Variants in EIF3J observed in about 807,000 individuals in gnomAD.
EIF3J encodes eukaryotic translation initiation factor 3, subunit 1 (alpha, 35kD).
In EIF3J, 15 loss-of-function variants were observed where a neutral mutation model predicts 39.0. The observed-to-expected ratio is 0.38, with a 90% CI of 0.26 to 0.59. The LOEUF (loss-of-function observed/expected upper bound fraction) is 0.59. EIF3J is among the 20% of genes least tolerant of loss of function. The pLI is 0.60. For missense variants in EIF3J, 226 were observed against 308.6 expected (o/e 0.73, Z 2.00); for synonymous variants, 98 against 112.9 (o/e 0.87, Z 0.84).
chr15:44,543,434 T>TTTTTTTTA (rs2082028030), intron 2 of EIF3J, among the ~76,000 whole-genome samples: 1 of 148,646 alleles, frequency 6.7e-6, no homozygotes, highest in African/African-American at 2.5e-5. Flanking sequence ...TTTTTTTTTT[T>TTTTTTTTA]GAGATGGAGT....
intron 5 of EIF3J, among the ~76,000 whole-genome samples, chr15:44,555,078 C>A (rs1179172999): frequency 6.6e-6 from 1 of 152,170 alleles, no homozygotes; most frequent in African/African-American, 2.4e-5. Context: ...TTTTGCTGTG[C>A]CTTCTTGTGC....
In EIF3J at chr15:44,551,285, A is replaced by C. The variant is rs1043636912; in HGVS notation, c.203-146A>C. On this transcript the variant is annotated intron_variant, in intron 3 of 7. Coordinates refer to ENST00000261868, the MANE Select transcript of EIF3J (RefSeq NM_003758.4). ...ATTAGAGAGGAGAAGGAAGAGTCCCAGAAGTTTCCCATTATTTGTGAGAAA... is the reference window on the plus strand; with the variant it reads ...ATTAGAGAGGAGAAGGAAGAGTCCCCGAAGTTTCCCATTATTTGTGAGAAA... 4.8e-6 allele frequency: 3 copies of C among 630,386 alleles called. No individual in the cohort carries two copies. In the African/African-American group the frequency reaches 5.6e-5, roughly 12 times the overall value. The allele number at this position is 630,386 out of a possible 1,614,324, so 39.0% of individuals were successfully genotyped here.
At chr15:44,556,140 A>C (rs1374279888) in intron 5 of EIF3J, among the ~76,000 whole-genome samples, 1 of 152,168 alleles carries the variant, frequency 6.6e-6, no homozygotes, top group African/African-American at 2.4e-5. Context: ...TGCTGGGATT[A>C]CAGGCATGAG....
At chr15:44,549,967 A>C (rs1053492107) in intron 2 of EIF3J, among the ~76,000 whole-genome samples, 5 of 151,848 alleles carry the variant, frequency 3.3e-5, no homozygotes, top group Non-Finnish European at 5.9e-5. Flanking sequence ...AAAAAAAAAA[A>C]AGTCTGGTAA....
chr15:44,560,365 G>A (rs757363972), intron 7 of EIF3J, 43 bp downstream of exon 7: 16 of 1,563,024 alleles, frequency 1.0e-5, no homozygotes, highest in Non-Finnish European at 1.3e-5. Flanking sequence ...AAATTAGAGT[G>A]GGGTTATAGG....
chr15:44,549,316 G>A (rs909008913), intron 2 of EIF3J, among the ~76,000 whole-genome samples: 25 of 151,744 alleles, frequency 1.6e-4, no homozygotes, highest in Non-Finnish European at 1.0e-4. Flanking sequence ...GCTTGAACCC[G>A]GGAGGTGGAG....
chr15:44,541,999 T>TA (rs2082018107), intron 2 of EIF3J, among the ~76,000 whole-genome samples: 1 of 152,236 alleles, frequency 6.6e-6, no homozygotes, highest in East Asian at 1.9e-4. Flanking sequence ...AACCACTTGT[T>TA]TAGTGTTCAG....
rs201648994 is a variant in EIF3J at position 44,547,150 on chromosome 15, C to CT, written c.148-3718dup. 1.2e-3 allele frequency among the ~76,000 whole-genome samples: 178 copies of CT among 148,316 alleles called. 2 individuals are homozygous for CT. Among genetic ancestry groups the CT allele is most frequent in the African/African-American group, 4.0e-3 (163 of 40,264 alleles). Reference sequence around the variant, plus strand: ...CCATGAAGGCTTGATTAGCTGTTGACTTTTTTTTGTGAGACGGAGTTTCAT... The same window carrying CT: ...CCATGAAGGCTTGATTAGCTGTTGACTTTTTTTTTGTGAGACGGAGTTTCAT... On this transcript the variant is annotated intron_variant, in intron 2 of 7. Transcript: ENST00000261868.
At chr15:44,550,638 C>T (rs1209187188) in intron 2 of EIF3J, 4 of 338,850 alleles carry the variant, frequency 1.2e-5, no homozygotes, top group Middle Eastern at 8.3e-4. Context: ...AGGGAAATCA[C>T]TTTAAAACAC....
At chr15:44,551,747 A>G (rs552097159) in intron 4 of EIF3J, among the ~76,000 whole-genome samples, 1 of 152,256 alleles carries the variant, frequency 6.6e-6, no homozygotes, top group Non-Finnish European at 1.5e-5. Context: ...AGGAATAGTC[A>G]TGATAGTGCA....
At chr15:44,554,705 G>A in intron 5 of EIF3J, 38 bp downstream of exon 5, 1 of 1,392,990 alleles carries the variant, frequency 7.2e-7, no homozygotes, top group Non-Finnish European at 1.0e-6. Context: ...GTATTAAACT[G>A]TTACAGGTGA....
At chr15:44,547,083 C>G (rs2140894307) in intron 2 of EIF3J, among the ~76,000 whole-genome samples, 1 of 151,960 alleles carries the variant, frequency 6.6e-6, no homozygotes, top group South Asian at 2.1e-4. Flanking sequence ...CTCGGCCTCC[C>G]AAAGTGCTGG....
chr15:44,552,111 G>A (rs912191084), intron 4 of EIF3J, among the ~76,000 whole-genome samples: 6 of 151,900 alleles, frequency 3.9e-5, no homozygotes, highest in East Asian at 3.9e-4. Context: ...GTGAGCCACC[G>A]CGTCTGGCCA....
intron 7 of EIF3J, among the ~76,000 whole-genome samples, chr15:44,560,765 T>C (rs745921450): frequency 1.3e-5 from 2 of 152,192 alleles, no homozygotes; most frequent in Non-Finnish European, 2.9e-5. Context: ...AAGTTAAGGC[T>C]GTCTACCAAT....
chr15:44,554,703 C>A, intron 5 of EIF3J, 36 bp downstream of exon 5: 2 of 1,411,096 alleles, frequency 1.4e-6, no homozygotes, highest in Non-Finnish European at 2.0e-6. Flanking sequence ...CAGTATTAAA[C>A]TGTTACAGGT....
chr15:44,553,066 G>A (rs940623767), intron 4 of EIF3J, among the ~76,000 whole-genome samples: 4 of 151,762 alleles, frequency 2.6e-5, no homozygotes, highest in Non-Finnish European at 5.9e-5. Context: ...CATGCCTGTA[G>A]TATCAGCTGC....
At chr15:44,537,919 C>T (rs2081973838) in intron 2 of EIF3J, among the ~76,000 whole-genome samples, 1 of 152,126 alleles carries the variant, frequency 6.6e-6, no homozygotes, top group Non-Finnish European at 1.5e-5. Flanking sequence ...AGTTGAATTT[C>T]AACCTTTTTT....
rs780275087 is a variant in EIF3J at position 44,562,329 on chromosome 15, A to G, written c.*1180A>G. 6.6e-5 allele frequency: 10 copies of G among 152,622 alleles called. No individual in the cohort carries two copies. Among genetic ancestry groups the G allele is most frequent in the Non-Finnish European group, 1.5e-4 (10 of 68,030 alleles). The allele number at this position is 152,622 out of a possible 1,614,324, so 9.5% of individuals were successfully genotyped here. ...TTTAGATACCAAGGCCTAATTAATT[A>G]AGTACCTATAAGAACTATTTATTTG... On this transcript the variant is annotated 3_prime_UTR_variant, in exon 8 of 8. Transcript: ENST00000261868.
rs201258329 is a variant in EIF3J, at chr15:44,551,414, CTT to C, written c.203-10_203-9del. The C allele has an allele frequency of 4.6e-6, 7 of 1,510,734 alleles. No individual in the cohort carries two copies. In the African/African-American group the frequency reaches 8.5e-5, roughly 18 times the overall value. The allele number at this position is 1,510,734 out of a possible 1,614,324, so 93.6% of individuals were successfully genotyped here. ...AAATACTCAGTATAACTGAATAAAA[CTT>C]TTTTTTACTTTTAGAGGTAAAAATT... On this transcript the variant is annotated splice_polypyrimidine_tract_variant and intron_variant, in intron 3 of 7. Coordinates refer to ENST00000261868, the MANE Select transcript of EIF3J (RefSeq NM_003758.4).
Sources: allele counts gnomAD v4.1 joint callset (sites outside exome capture counted in the v4.1 genomes callset), GRCh38; gene constraint gnomAD v4.1.1; transcripts MANE v1.5; gene names NCBI Gene and HGNC (gene_info 2026-07-23, HGNC 2026-07-21).